The following TBC1D16 variants were observed in gnomAD, a reference collection of about 807,000 sequenced individuals.
TBC1D16 encodes TBC1 domain family member 16.
A neutral mutation model predicts 74.7 loss-of-function variants in TBC1D16; 58 were observed. The observed-to-expected ratio is 0.78, with a 90% CI of 0.63 to 0.97. TBC1D16 has a LOEUF of 0.97. Among genes scored for constraint, TBC1D16 ranks in the 50% least tolerant of loss-of-function variants. The pLI is 0.00. For synonymous variants in TBC1D16, 493 were observed against 474.7 expected (o/e 1.04, Z -0.50); for missense variants, 1,014 against 1,079.5 (o/e 0.94, Z 0.85).
intron 8 of TBC1D16, 110 bp downstream of exon 8, chr17:79,948,762 T>C (rs1193069222): frequency 4.2e-6 from 6 of 1,413,530 alleles, no homozygotes; most frequent in Non-Finnish European, 5.9e-6. Context: ...TGTATGAACC[T>C]GGAAGAGAGC....
At chr17:79,963,859 C>T (rs1215464039) in intron 3 of TBC1D16, among the ~76,000 whole-genome samples, 1 of 152,170 alleles carries the variant, frequency 6.6e-6, no homozygotes, top group Non-Finnish European at 1.5e-5. Flanking sequence ...ATGTGCTTAT[C>T]GGGCATTCGT....
intron 3 of TBC1D16, among the ~76,000 whole-genome samples, chr17:79,974,899 G>A (rs765625004): frequency 1.3e-5 from 2 of 152,186 alleles, no homozygotes; most frequent in African/African-American, 2.4e-5. Context: ...AAGCCTGGGC[G>A]CCTTGCTTTC....
rs1241147734 is a variant in TBC1D16, at chr17:79,961,257, C to T, written c.780-8439G>A. On this transcript the variant is annotated intron_variant, in intron 3 of 11. Coordinates refer to ENST00000310924, the MANE Select transcript of TBC1D16 (RefSeq NM_019020.4). This position sits in a 1 kb window ranked among gnomAD's most constrained non-coding sequence, Gnocchi z 4.8. ...GCTACATGAGAAGATACTCAGCATCCTCTGTAGTCAGGAAAATGCAAATTA... is the reference window on the plus strand; with the variant it reads ...GCTACATGAGAAGATACTCAGCATCTTCTGTAGTCAGGAAAATGCAAATTA... Among the ~76,000 whole-genome samples the T allele has an allele frequency of 1.3e-5, 2 of 152,186 alleles. No homozygotes were observed. Among genetic ancestry groups the T allele is most frequent in the Non-Finnish European group, 2.9e-5 (2 of 68,046 alleles).
chr17:79,999,062 C>T (rs748622552), intron 3 of TBC1D16, among the ~76,000 whole-genome samples: 14 of 152,090 alleles, frequency 9.2e-5, no homozygotes, highest in Non-Finnish European at 2.1e-4. Context: ...TTGAGACCAG[C>T]CCGGCCAACA....
intron 5 of TBC1D16, among the ~76,000 whole-genome samples, chr17:79,951,127 C>T (rs2033019295): frequency 6.6e-6 from 1 of 152,178 alleles, no homozygotes; most frequent in Admixed American, 6.5e-5. Flanking sequence ...TAAAATCGGC[C>T]CCATTTCTAA....
intron 3 of TBC1D16, among the ~76,000 whole-genome samples, chr17:79,982,338 G>T (rs1049316026): frequency 1.3e-5 from 2 of 151,310 alleles, no homozygotes; most frequent in Admixed American, 6.6e-5. Context: ...TAGAGACGGG[G>T]TTTCACCATG....
intron 2 of TBC1D16, among the ~76,000 whole-genome samples, chr17:80,011,626 A>T (rs1161700811): frequency 1.3e-5 from 2 of 152,128 alleles, no homozygotes; most frequent in Admixed American, 1.3e-4. Flanking sequence ...GGAGATCGAG[A>T]CCATCGTGGC....
chr17:79,992,375 T>G (rs1046378590), intron 3 of TBC1D16: 1 of 152,118 alleles, frequency 6.6e-6, no homozygotes, highest in Non-Finnish European at 1.5e-5. Context: ...CACATCAAAC[T>G]GTGGCCGTTG....
intron 3 of TBC1D16, among the ~76,000 whole-genome samples, chr17:79,955,254 G>C (rs767641254): frequency 2.0e-5 from 3 of 152,158 alleles, no homozygotes; most frequent in Non-Finnish European, 4.4e-5. Flanking sequence ...CTTTCATTGG[G>C]GTACGTCTGG....
intron 9 of TBC1D16, among the ~76,000 whole-genome samples, chr17:79,947,234 C>T (rs939905569): frequency 6.6e-6 from 1 of 152,180 alleles, no homozygotes; most frequent in African/African-American, 2.4e-5. Context: ...GGAGCCCCTC[C>T]TCTTCCTGTC....
At chr17:80,025,000 C>A (rs907274753) in intron 1 of TBC1D16, among the ~76,000 whole-genome samples, 4 of 113,558 alleles carry the variant, frequency 3.5e-5, no homozygotes, top group African/African-American at 3.8e-5. Flanking sequence ...TCTACACACA[C>A]ACCATAGACA....
rs143618029 is a variant in TBC1D16 at position 80,010,373 on chromosome 17, G to T, written c.566C>A (p.Thr189Lys). The change falls in exon 3 of 12, where the codon ACG (threonine) becomes AAG (lysine). Residue 189 changes from threonine (T) to lysine (K), a missense_variant. By Grantham distance (78) the Thr-to-Lys change is moderately conservative. Coordinates refer to ENST00000310924, the MANE Select transcript of TBC1D16 (RefSeq NM_019020.4). The surrounding 1 kb of genome is among the most constrained non-coding windows in gnomAD (Gnocchi z 8.8). The stretch of plus-strand genomic sequence containing the variant: ...CTCGGTGACATCCTGCGGACTGACC[G>T]TCGACAAGATCCCGGAGGGGCTGCA... Reference protein sequence around the residue: ...PACSPSGILSTVSPQDVTEEG... With the variant: ...PACSPSGILSKVSPQDVTEEG... 1.2e-4 allele frequency: 194 copies of T among 1,611,990 alleles called. No individual in the cohort carries two copies. Among genetic ancestry groups the T allele is most frequent in the Non-Finnish European group, 1.6e-4 (185 of 1,179,316 alleles).
At chr17:79,942,853 C>T (rs2032146942) in intron 10 of TBC1D16, among the ~76,000 whole-genome samples, 1 of 152,226 alleles carries the variant, frequency 6.6e-6, no homozygotes. Context: ...TTCGGGCATA[C>T]TTTGAGGACT....
chr17:79,948,365 A>T (rs2032743053), intron 8 of TBC1D16, among the ~76,000 whole-genome samples: 1 of 151,798 alleles, frequency 6.6e-6, no homozygotes, highest in Admixed American at 6.6e-5. Context: ...TAGGCCCAGA[A>T]TCTTGAGAGC....
chr17:79,980,005 G>A lies in TBC1D16; in HGVS notation c.780-27187C>T, dbSNP rs1346784294. 6.6e-6 allele frequency among the ~76,000 whole-genome samples: 1 copy of A among 152,054 alleles called. No individual in the cohort carries two copies. Among genetic ancestry groups the A allele is most frequent in the Non-Finnish European group, 1.5e-5 (1 of 68,014 alleles). Reference sequence around the variant, plus strand: ...CTGCCCAACACGGCTGTGGGCACCGGTGCCTCCCCAGACCCTCTGGGCAGC... The same window carrying A: ...CTGCCCAACACGGCTGTGGGCACCGATGCCTCCCCAGACCCTCTGGGCAGC... On this transcript the variant is annotated intron_variant, in intron 3 of 11. Transcript: ENST00000310924. This position sits in a 1 kb window ranked among gnomAD's most constrained non-coding sequence, Gnocchi z 7.0.
intron 3 of TBC1D16, among the ~76,000 whole-genome samples, chr17:79,955,871 T>C (rs2033311324): frequency 6.6e-6 from 1 of 152,184 alleles, no homozygotes; most frequent in Admixed American, 6.5e-5. Flanking sequence ...GATAGAGATT[T>C]AAAAGGGCCT....
chr17:79,953,943 T>C (rs1301353342), intron 3 of TBC1D16, among the ~76,000 whole-genome samples: 1 of 152,032 alleles, frequency 6.6e-6, no homozygotes, highest in Non-Finnish European at 1.5e-5. Context: ...GCTAATTCTA[T>C]ATATTTAGTA....
At position 79,944,369 on chromosome 17, in the gene TBC1D16, C is replaced by T. The variant is rs1360236365; in HGVS notation, c.1908+539G>A. The stretch of plus-strand genomic sequence containing the variant: ...TGGGCGTTAAGGCCATGTGACAGAG[C>T]CAGTGCTGTGCTCCAAGGGGAATTT... On this transcript the variant is annotated intron_variant, in intron 10 of 11. Coordinates refer to ENST00000310924, the MANE Select transcript of TBC1D16 (RefSeq NM_019020.4). The surrounding 1 kb of genome is among the most constrained non-coding windows in gnomAD (Gnocchi z 7.7). 6.6e-6 allele frequency among the ~76,000 whole-genome samples: 1 copy of T among 152,160 alleles called. No individual in the cohort carries two copies.
chr17:80,011,231 G>A (rs2035879604), intron 2 of TBC1D16, among the ~76,000 whole-genome samples: 1 of 142,432 alleles, frequency 7.0e-6, no homozygotes, highest in Non-Finnish European at 1.5e-5. Context: ...TTTTTTGGTA[G>A]AAATAAGGTT....
Sources: gnomAD v4.1 joint callset for allele counts (sites outside exome capture counted in the v4.1 genomes callset) on GRCh38, gnomAD v4.1.1 for gene constraint, Gnocchi (gnomAD v3.1) non-coding constraint, MANE v1.5 for transcripts, NCBI Gene and HGNC (gene_info 2026-07-23, HGNC 2026-07-21) for gene names.